TOX: variants seen among roughly 807,000 people sequenced by gnomAD.
TOX encodes thymocyte selection-associated high mobility group box protein TOX.
TOX carries 11 observed loss-of-function variants against 53.7 expected under a neutral mutation model. The observed-to-expected ratio is 0.20, with a 90% CI of 0.13 to 0.34. The LOEUF is 0.34. Among genes scored for constraint, TOX ranks in the 10% least tolerant of loss-of-function variants. TOX has a pLI of 1.00. For synonymous variants in TOX, 225 were observed against 245.3 expected (o/e 0.92, Z 0.77); for missense variants, 570 against 664.6 (o/e 0.86, Z 1.56).
intron 1 of TOX, among the ~76,000 whole-genome samples, chr8:58,975,892 T>C (rs1050893289): frequency 6.6e-6 from 1 of 152,050 alleles, no homozygotes; most frequent in Non-Finnish European, 1.5e-5. Flanking sequence ...GCCAACATGG[T>C]GAAACCCCGT....
intron 4 of TOX, among the ~76,000 whole-genome samples, chr8:58,848,064 T>A (rs1810746054): frequency 6.6e-6 from 1 of 152,122 alleles, no homozygotes; most frequent in Non-Finnish European, 1.5e-5. Context: ...TGAGGTTTAT[T>A]CAGTTACAGA....
intron 1 of TOX, among the ~76,000 whole-genome samples, chr8:59,114,971 G>T (rs1203097587): frequency 6.6e-6 from 1 of 151,946 alleles, no homozygotes; most frequent in Non-Finnish European, 1.5e-5. Flanking sequence ...TCACAAATGG[G>T]TCCTTCCTTG....
chr8:58,930,532 G>A (rs1812239932), intron 3 of TOX, among the ~76,000 whole-genome samples: 2 of 152,198 alleles, frequency 1.3e-5, no homozygotes, highest in South Asian at 4.1e-4. Context: ...GAAAGAGAAA[G>A]CAATTCTTGA....
At chr8:58,881,424 A>G (rs1365358370) in intron 3 of TOX, among the ~76,000 whole-genome samples, 1 of 152,194 alleles carries the variant, frequency 6.6e-6, no homozygotes, top group South Asian at 2.1e-4. Context: ...CATGTGAACC[A>G]TTAAGACGTA....
intron 1 of TOX, among the ~76,000 whole-genome samples, chr8:59,070,009 AG>A (rs1283497162): frequency 1.3e-5 from 2 of 152,234 alleles, no homozygotes; most frequent in East Asian, 1.9e-4. Context: ...AGAAACCTCA[AG>A]GGCAACATGG....
At chr8:59,061,199 C>T (rs574126199) in intron 1 of TOX, among the ~76,000 whole-genome samples, 76 of 152,192 alleles carry the variant, frequency 5.0e-4, no homozygotes, top group African/African-American at 1.5e-3. Flanking sequence ...TGAGTGTGTG[C>T]GTGTGTATAC....
chr8:58,875,930 G>C (rs1026100101), intron 3 of TOX, among the ~76,000 whole-genome samples: 3 of 152,196 alleles, frequency 2.0e-5, no homozygotes, highest in African/African-American at 7.2e-5. Flanking sequence ...AATAAACAGC[G>C]TAAGTCAGTA....
At chr8:59,093,093 G>A (rs1331782907) in intron 1 of TOX, among the ~76,000 whole-genome samples, 2 of 152,182 alleles carry the variant, frequency 1.3e-5, no homozygotes, top group African/African-American at 4.8e-5. Context: ...CAAGATGTAT[G>A]AGCACTTTCT....
intron 3 of TOX, among the ~76,000 whole-genome samples, chr8:58,910,813 A>G (rs4737526): frequency 0.3 from 45,154 of 151,924 alleles, 7,025 homozygotes; most frequent in East Asian, 0.41. Context: ...TGAGTCCCCT[A>G]TCCTGGCCCT....
intron 3 of TOX, among the ~76,000 whole-genome samples, chr8:58,915,642 C>T (rs370077139): frequency 2.0e-4 from 29 of 147,364 alleles, no homozygotes; most frequent in Non-Finnish European, 2.6e-4. Flanking sequence ...AAACGCAGAG[C>T]GCCTCTCCTC....
chr8:58,918,947 C>T (rs1195935828), intron 3 of TOX, among the ~76,000 whole-genome samples: 1 of 151,722 alleles, frequency 6.6e-6, no homozygotes, highest in Non-Finnish European at 1.5e-5. Context: ...AGTGAACTCC[C>T]ATTCACAATT....
chr8:58,846,933 T>C lies in TOX; in HGVS notation c.693+4591A>G, dbSNP rs74689900. Among the ~76,000 whole-genome samples the C allele has an allele frequency of 1.0e-3, 159 of 152,258 alleles. 1 individual carries two copies. Among genetic ancestry groups the C allele is most frequent in the African/African-American group, 3.7e-3 (155 of 41,566 alleles). On this transcript the variant is annotated intron_variant, in intron 4 of 8. Coordinates refer to ENST00000361421, the MANE Select transcript of TOX (RefSeq NM_014729.3). The stretch of plus-strand genomic sequence containing the variant: ...ATGCAAGAATGGCTGCTCTGGAACC[T>C]TGTTACAAATGCAGAGTGGAACAAA...
At chr8:59,085,472 C>G (rs939427790) in intron 1 of TOX, among the ~76,000 whole-genome samples, 26 of 151,902 alleles carry the variant, frequency 1.7e-4, no homozygotes, top group Admixed American at 6.6e-5. Flanking sequence ...CACTACAGAC[C>G]CAACCTCCCA....
chr8:58,886,383 T>C (rs1337280963), intron 3 of TOX, among the ~76,000 whole-genome samples: 1 of 152,156 alleles, frequency 6.6e-6, no homozygotes, highest in Non-Finnish European at 1.5e-5. Flanking sequence ...TCTGAAAGTG[T>C]TGACATCACA....
intron 5 of TOX, among the ~76,000 whole-genome samples, chr8:58,835,476 T>C (rs1810530074): frequency 6.6e-6 from 1 of 152,172 alleles, no homozygotes. Flanking sequence ...ATAACTTTGA[T>C]GGTTAGACAA....
intron 1 of TOX, among the ~76,000 whole-genome samples, chr8:59,058,571 T>C (rs1803924259): frequency 6.6e-6 from 1 of 152,188 alleles, no homozygotes; most frequent in Admixed American, 6.5e-5. Flanking sequence ...CTCAGGATCA[T>C]GTGGGTCTGC....
intron 3 of TOX, among the ~76,000 whole-genome samples, chr8:58,857,829 G>C (rs1386728139): frequency 6.6e-6 from 1 of 151,658 alleles, no homozygotes; most frequent in Non-Finnish European, 1.5e-5. Context: ...CAGTGCATTT[G>C]CACGACATTG....
At chr8:59,092,083 C>G (rs1340075203) in intron 1 of TOX, among the ~76,000 whole-genome samples, 1 of 150,886 alleles carries the variant, frequency 6.6e-6, no homozygotes, top group Non-Finnish European at 1.5e-5. Context: ...AGTCCTGTCT[C>G]TACTAAAAAT....
At chr8:59,090,824 G>C (rs1804596042) in intron 1 of TOX, among the ~76,000 whole-genome samples, 1 of 152,144 alleles carries the variant, frequency 6.6e-6, no homozygotes, top group Admixed American at 6.5e-5. Flanking sequence ...ACATGGACTT[G>C]AGGAGCTTCC....
Sources: gnomAD v4.1 joint callset for allele counts (sites outside exome capture counted in the v4.1 genomes callset) on GRCh38, gnomAD v4.1.1 for gene constraint, MANE v1.5 for transcripts, NCBI Gene and HGNC (gene_info 2026-07-23, HGNC 2026-07-21) for gene names.